The following PTPRD variants were observed in gnomAD, a reference collection of about 807,000 sequenced individuals.
PTPRD encodes the protein receptor-type tyrosine-protein phosphatase delta.
Under a neutral mutation model 214.5 loss-of-function variants are expected in PTPRD, and 34 were observed. That is an observed-to-expected ratio of 0.16 (90% CI 0.12 to 0.21). PTPRD has a LOEUF of 0.21. PTPRD is among the 10% of genes least tolerant of loss of function. PTPRD has a pLI of 1.00. For missense variants in PTPRD, 2,545 were observed against 2,398.7 expected (o/e 1.06, Z -1.27); for synonymous variants, 1,128 against 845.7 (o/e 1.33, Z -5.79).
intron 10 of PTPRD, among the ~76,000 whole-genome samples, chr9:9,035,059 G>C (rs190765139): frequency 1.4e-3 from 209 of 152,168 alleles, no homozygotes; most frequent in African/African-American, 4.8e-3. Flanking sequence ...TAGATGGTGA[G>C]CTTTTGGAGT....
chr9:9,797,122 G>A (rs1364676650), intron 5 of PTPRD, among the ~76,000 whole-genome samples: 2 of 151,710 alleles, frequency 1.3e-5, no homozygotes, highest in Non-Finnish European at 2.9e-5. Flanking sequence ...ACACATTTTA[G>A]AAGAGAGTGT....
At chr9:10,050,045 G>A (rs1363249557) in intron 3 of PTPRD, among the ~76,000 whole-genome samples, 1 of 152,104 alleles carries the variant, frequency 6.6e-6, no homozygotes, top group Non-Finnish European at 1.5e-5. Context: ...TCATCTGTTA[G>A]TGCCATTCCC....
chr9:9,790,242 G>A (rs928151768), intron 5 of PTPRD, among the ~76,000 whole-genome samples: 2 of 152,108 alleles, frequency 1.3e-5, no homozygotes, highest in Admixed American at 1.3e-4. Flanking sequence ...TTGGACATTG[G>A]ACAATTTTTC....
At chr9:9,409,566 G>A (rs185371751) in intron 8 of PTPRD, among the ~76,000 whole-genome samples, 6 of 152,068 alleles carry the variant, frequency 3.9e-5, no homozygotes, top group Admixed American at 3.3e-4. Flanking sequence ...AGAACTGAGA[G>A]CACTTAAAAT....
rs906670395 is a variant in PTPRD at position 9,346,985 on chromosome 9, G to T, written c.-203+50464C>A. ...TGGGATTACAGGTGTGAGCCATTGT[G>T]CCTGGCCAATTCCTTAATCTTAACA... On this transcript the variant is annotated intron_variant, in intron 9 of 45. Transcript: ENST00000381196. Among the ~76,000 whole-genome samples, 3 of 151,966 alleles carry T rather than the reference G, an allele frequency of 2.0e-5. No homozygotes were observed. The East Asian group carries it at 5.8e-4, about 30-fold the overall frequency.
chr9:8,846,581 G>A (rs1341144188), intron 11 of PTPRD, among the ~76,000 whole-genome samples: 2 of 152,032 alleles, frequency 1.3e-5, no homozygotes, highest in Admixed American at 1.3e-4. Flanking sequence ...ATGCCCTGAA[G>A]GAAGAAAAAA....
intron 11 of PTPRD, among the ~76,000 whole-genome samples, chr9:8,752,898 G>A (rs143671013): frequency 2.2e-4 from 34 of 152,242 alleles, no homozygotes; most frequent in Non-Finnish European, 4.4e-4. Context: ...CTAAGTTTAG[G>A]GATGGTTTGG....
intron 3 of PTPRD, among the ~76,000 whole-genome samples, chr9:10,077,916 C>T (rs1410066862): frequency 2.0e-5 from 3 of 151,872 alleles, no homozygotes; most frequent in Non-Finnish European, 4.4e-5. Context: ...AATCCACCTA[C>T]CATAATGTTA....
At chr9:9,270,881 G>C (rs1473697810) in intron 9 of PTPRD, among the ~76,000 whole-genome samples, 1 of 151,278 alleles carries the variant, frequency 6.6e-6, no homozygotes, top group Non-Finnish European at 1.5e-5. Flanking sequence ...ATAGATATCG[G>C]GGGGTGTAGG....
chr9:10,050,838 T>G (rs2097523661), intron 3 of PTPRD, among the ~76,000 whole-genome samples: 1 of 152,158 alleles, frequency 6.6e-6, no homozygotes, highest in Admixed American at 6.6e-5. Context: ...TCTCCATACA[T>G]ACTGGACTCC....
At chr9:9,213,502 C>A (rs2099950141) in intron 9 of PTPRD, among the ~76,000 whole-genome samples, 1 of 146,644 alleles carries the variant, frequency 6.8e-6, no homozygotes. Flanking sequence ...ATCAAATGCC[C>A]TGTTTTCCTG....
At chr9:9,149,286 G>A (rs150004716) in intron 10 of PTPRD, among the ~76,000 whole-genome samples, 1 of 152,256 alleles carries the variant, frequency 6.6e-6, no homozygotes, top group East Asian at 1.9e-4. Flanking sequence ...TTGGCACATA[G>A]TACACACTGA....
chr9:8,911,483 T>C (rs1438911547), intron 11 of PTPRD, among the ~76,000 whole-genome samples: 1 of 151,756 alleles, frequency 6.6e-6, no homozygotes, highest in Non-Finnish European at 1.5e-5. Context: ...GACAACACTT[T>C]TGATACTTAC....
intron 12 of PTPRD, among the ~76,000 whole-genome samples, chr9:8,677,084 A>G (rs1329827459): frequency 6.6e-6 from 1 of 152,260 alleles, no homozygotes; most frequent in Admixed American, 6.5e-5. Context: ...TACCTAAGAT[A>G]GCCATAAAGG....
intron 2 of PTPRD, among the ~76,000 whole-genome samples, chr9:10,373,930 G>C (rs1413696963): frequency 6.6e-6 from 1 of 151,986 alleles, no homozygotes; most frequent in Non-Finnish European, 1.5e-5. Flanking sequence ...TGTTCCTTTA[G>C]GTTGTTGAGT....
intron 39 of PTPRD, among the ~76,000 whole-genome samples, chr9:8,367,143 T>C (rs980630909): frequency 6.6e-6 from 1 of 152,214 alleles, no homozygotes; most frequent in Non-Finnish European, 1.5e-5. Flanking sequence ...CCTAGTTCTC[T>C]GTATGCTTTA....
chr9:9,681,742 G>T (rs2097076985), intron 7 of PTPRD, among the ~76,000 whole-genome samples: 1 of 151,726 alleles, frequency 6.6e-6, no homozygotes, highest in South Asian at 2.1e-4. Flanking sequence ...ATTGAATGTT[G>T]AGACTAGCAG....
chr9:9,380,214 G>A (rs1311795988), intron 9 of PTPRD, among the ~76,000 whole-genome samples: 1 of 152,006 alleles, frequency 6.6e-6, no homozygotes, highest in Non-Finnish European at 1.5e-5. Context: ...AATCATGCTA[G>A]ACATCTCTCT....
intron 10 of PTPRD, among the ~76,000 whole-genome samples, chr9:9,031,621 C>T (rs777918092): frequency 7.2e-5 from 11 of 152,032 alleles, no homozygotes; most frequent in Non-Finnish European, 1.3e-4. Context: ...CCAATAAATA[C>T]GTGGTCCATC....
Sources: allele counts gnomAD v4.1 joint callset (sites outside exome capture counted in the v4.1 genomes callset), GRCh38; gene constraint gnomAD v4.1.1; transcripts MANE v1.5; gene names NCBI Gene and HGNC (gene_info 2026-07-23, HGNC 2026-07-21).